Variants in CENPO observed in about 807,000 individuals in gnomAD.
The protein encoded by CENPO is centromere protein O, also known as centromeric protein O.
Under a neutral mutation model 36.1 loss-of-function variants are expected in CENPO, and 30 were observed. The ratio of observed to expected loss-of-function variants is 0.83; its 90% CI spans 0.62 to 1.13. The LOEUF (loss-of-function observed/expected upper bound fraction) is 1.13. Ranked by LOEUF, CENPO falls within the 50% of genes most tolerant of loss-of-function variation. The pLI is 0.00. For synonymous variants in CENPO, 171 were observed against 142.3 expected (o/e 1.20, Z -1.44); for missense variants, 349 against 357.8 (o/e 0.98, Z 0.20).
rs151148655 is a variant in CENPO at position 24,795,488 on chromosome 2, G to A, written c.46+1523G>A. On this transcript the variant is annotated intron_variant, in intron 2 of 7. Coordinates refer to ENST00000380834, the MANE Select transcript of CENPO (RefSeq NM_001322101.2). ...ACTCCCTCTTTTCTGTAGTAGCAAC[G>A]CTAAACAACAACGCTACCCCCTTGG... Among the ~76,000 whole-genome samples, 40 of 152,202 alleles carry A rather than the reference G, an allele frequency of 2.6e-4. No homozygotes were observed. The East Asian group carries it at 6.4e-3, about 24-fold the overall frequency.
In CENPO at chr2:24,799,688, C is replaced by T. The variant is rs1666075827; in HGVS notation, c.60C>T (p.His20=). Residue 20 remains histidine (H), a synonymous_variant, in exon 3 of 8, where the codon CAC becomes CAT. Transcript: ENST00000380834. ...DGESKGGVLA[H]LERLETQVSR... ...TACTCTCCTTAGGTGTTTTAGCTCA[C>T]TTGGAAAGGCTAGAGACCCAAGTGA... The T allele has an allele frequency of 1.9e-6, 3 of 1,613,114 alleles. No homozygotes were observed. Among genetic ancestry groups the T allele is most frequent in the Non-Finnish European group, 2.5e-6 (3 of 1,179,598 alleles).
chr2:24,819,730 T>C lies in CENPO; in HGVS notation c.*412T>C. ...TGTTCAGCCCTATGCCTAAGACCCC[T>C]ATGCTGGGGACACTACAGGCACACA... is the stretch of plus-strand genomic sequence containing the variant. On this transcript the variant is annotated 3_prime_UTR_variant, in exon 8 of 8. Coordinates refer to ENST00000380834, the MANE Select transcript of CENPO (RefSeq NM_001322101.2). The C allele has an allele frequency of 1.7e-6, 1 of 589,554 alleles. No homozygotes were observed. The highest frequency in any genetic ancestry group is 2.1e-5 in the South Asian group (1 of 47,346). The allele number at this position is 589,554 out of a possible 1,614,324, so 36.5% of individuals were successfully genotyped here.
chr2:24,817,440 C>T (rs912457792), intron 6 of CENPO, among the ~76,000 whole-genome samples: 1 of 128,424 alleles, frequency 7.8e-6, no homozygotes, highest in African/African-American at 3.1e-5. Flanking sequence ...TGCATTGGTC[C>T]AGTAAGGGGC....
intron 3 of CENPO, among the ~76,000 whole-genome samples, chr2:24,809,882 T>C (rs1259796364): frequency 2.0e-5 from 3 of 152,142 alleles, no homozygotes; most frequent in Non-Finnish European, 4.4e-5. Flanking sequence ...ATCATGTTGT[T>C]TAAATATCTT....
Position 24,821,451 on chromosome 2 carries a change from G to T in CENPO, c.*2133G>T. Reference sequence around the variant, plus strand: ...TGTCCTGAGCCTCATGTCTCTCCTGGTGGTGGGCCAGGCCCCTGCATGGGA... The same window carrying T: ...TGTCCTGAGCCTCATGTCTCTCCTGTTGGTGGGCCAGGCCCCTGCATGGGA... On this transcript the variant is annotated 3_prime_UTR_variant, in exon 8 of 8. Transcript: ENST00000380834. 6.3e-7 allele frequency: 1 copy of T among 1,590,492 alleles called. No homozygotes were observed.
At chr2:24,816,239 T>A in intron 5 of CENPO, 1 of 189,910 alleles carries the variant, frequency 5.3e-6, no homozygotes, top group Non-Finnish European at 1.1e-5. Flanking sequence ...AGGAAATTAA[T>A]GCAAATAGGC....
At position 24,819,849 on chromosome 2, in the gene CENPO, C is replaced by T. The variant is rs767620428; in HGVS notation, c.*531C>T. 5.7e-5 allele frequency: 83 copies of T among 1,445,628 alleles called. No individual in the cohort carries two copies. The highest frequency in any genetic ancestry group is 7.5e-5 in the Non-Finnish European group (80 of 1,060,790). 89.6% of individuals were successfully genotyped at this position (1,445,628 alleles called of 1,614,324 possible). A position where few individuals can be genotyped will look rare whatever the true frequency, so the allele number is the denominator to read the frequency against. On this transcript the variant is annotated 3_prime_UTR_variant, in exon 8 of 8. Transcript: ENST00000380834. Reference sequence around the variant, plus strand: ...ACCTAAAGTCCATGAGTGTGCACTTCAATCCAGGAAGGTCGGGACTTCCTT... The same window carrying T: ...ACCTAAAGTCCATGAGTGTGCACTTTAATCCAGGAAGGTCGGGACTTCCTT...
chr2:24,793,591 C>G (rs1395538383), intron 1 of CENPO, 90 bp downstream of exon 1: 1 of 1,461,030 alleles, frequency 6.8e-7, no homozygotes. Flanking sequence ...CTTAAAACTC[C>G]TTCCGTGGCC....
At chr2:24,814,246 C>A (rs1381761090) in intron 3 of CENPO, 130 bp from the exon 4 acceptor site, 1 of 682,748 alleles carries the variant, frequency 1.5e-6, no homozygotes, top group Non-Finnish European at 2.7e-6. Context: ...CAATAACTGA[C>A]CGGCCACTGT....
rs956430480 is a variant in CENPO, at chr2:24,816,934, T to C, written c.766+117T>C. The C allele has an allele frequency of 5.4e-6, 5 of 918,242 alleles. No individual in the cohort carries two copies. The South Asian group carries it at 6.0e-5, about 11-fold the overall frequency. The allele number at this position is 918,242 out of a possible 1,614,324, so 56.9% of individuals were successfully genotyped here. A position where few individuals can be genotyped will look rare whatever the true frequency, so the allele number is the denominator to read the frequency against. Reference sequence around the variant, plus strand: ...TGAGACACTTTCTCTGTTTATATACTGTACATTACTCAGACCGGTAAGATA... The same window carrying C: ...TGAGACACTTTCTCTGTTTATATACCGTACATTACTCAGACCGGTAAGATA... On this transcript the variant is annotated intron_variant, in intron 6 of 7. Coordinates refer to ENST00000380834, the MANE Select transcript of CENPO (RefSeq NM_001322101.2).
Position 24,820,981 on chromosome 2 carries a change from G to T in CENPO, c.*1663G>T. 1.5e-6 allele frequency: 2 copies of T among 1,316,772 alleles called. No homozygotes were observed. The highest frequency in any genetic ancestry group is 2.1e-6 in the Non-Finnish European group (2 of 958,550). The allele number at this position is 1,316,772 out of a possible 1,614,324, so 81.6% of individuals were successfully genotyped here. On this transcript the variant is annotated 3_prime_UTR_variant, in exon 8 of 8. Transcript: ENST00000380834. ...ATCATTGTCCTCATTCAACTTGGCTGTATGCTATTGGAGGGTGGAAATCAC... is the reference window on the plus strand; with the variant it reads ...ATCATTGTCCTCATTCAACTTGGCTTTATGCTATTGGAGGGTGGAAATCAC...
At chr2:24,794,042 G>A (rs1191632063) in intron 2 of CENPO, 77 bp downstream of exon 2, 38 of 1,133,554 alleles carry the variant, frequency 3.4e-5, no homozygotes. Context: ...TTTCCTCCTG[G>A]AACTGACGTG....
At chr2:24,803,938 C>T (rs1666264905) in intron 3 of CENPO, among the ~76,000 whole-genome samples, 3 of 152,122 alleles carry the variant, frequency 2.0e-5, no homozygotes, top group Admixed American at 2.0e-4. Flanking sequence ...GTGTTAAAGT[C>T]TCCCATTATT....
At position 24,820,007 on chromosome 2, in the gene CENPO, C is replaced by G. The variant is rs750100505; in HGVS notation, c.*689C>G. ...GGAAGGTGGCTAGCTTATCCCGCCC[C>G]TTCAAGAAGAAGGTCAGCAGCTCCC... On this transcript the variant is annotated 3_prime_UTR_variant, in exon 8 of 8. Coordinates refer to ENST00000380834, the MANE Select transcript of CENPO (RefSeq NM_001322101.2). 6.2e-7 allele frequency: 1 copy of G among 1,612,762 alleles called. No individual in the cohort carries two copies. The highest frequency in any genetic ancestry group is 2.2e-5 in the East Asian group (1 of 44,666).
chr2:24,810,489 C>T (rs980499924), intron 3 of CENPO, among the ~76,000 whole-genome samples: 3 of 147,842 alleles, frequency 2.0e-5, no homozygotes, highest in Non-Finnish European at 4.4e-5. Context: ...TTTTGGTTAA[C>T]GTTTGCAGGT....
chr2:24,816,850 T>A, intron 6 of CENPO, 33 bp downstream of exon 6: 4 of 1,541,728 alleles, frequency 2.6e-6, no homozygotes, highest in Non-Finnish European at 3.5e-6. Flanking sequence ...GAAATTCTCA[T>A]ATCCCAGTTT....
In CENPO at chr2:24,820,907, G is replaced by A; in HGVS notation, c.*1589G>A. Reference sequence around the variant, plus strand: ...AGGCCACACCTTGTTATGGGCCTCAGAAGCCATCTCCTCTCCAGACCTGTA... The same window carrying A: ...AGGCCACACCTTGTTATGGGCCTCAAAAGCCATCTCCTCTCCAGACCTGTA... On this transcript the variant is annotated 3_prime_UTR_variant, in exon 8 of 8. Transcript: ENST00000380834. 6.3e-7 allele frequency: 1 copy of A among 1,596,842 alleles called. No homozygotes were observed.
Position 24,815,503 on chromosome 2 carries a change from G to GT in CENPO, c.342dup (p.Gly115TrpfsTer2). On this transcript the variant is annotated frameshift_variant, in exon 5 of 8. Transcript: ENST00000380834. LOFTEE classifies it high-confidence loss of function. ...GTCTTCTTGTTTGCCTCAGGCCTCAGTGGTAAACTGACCAGCCGAGGAGTT... is the reference window on the plus strand; with the variant it reads ...GTCTTCTTGTTTGCCTCAGGCCTCAGTTGGTAAACTGACCAGCCGAGGAGTT... 6.2e-7 allele frequency: 1 copy of GT among 1,613,960 alleles called. No homozygotes were observed. The highest frequency in any genetic ancestry group is 8.5e-7 in the Non-Finnish European group (1 of 1,179,860).
intron 3 of CENPO, 72 bp from the exon 4 acceptor site, chr2:24,814,304 C>G: frequency 8.9e-6 from 7 of 789,574 alleles, no homozygotes; most frequent in Non-Finnish European, 1.6e-5. Flanking sequence ...TAGCTTTCAT[C>G]CAGTTGGGGG....
Sources: allele counts gnomAD v4.1 joint callset (sites outside exome capture counted in the v4.1 genomes callset), GRCh38; gene constraint gnomAD v4.1.1; transcripts MANE v1.5; gene names NCBI Gene and HGNC (gene_info 2026-07-23, HGNC 2026-07-21).